The following DMD variants were observed in gnomAD, a reference collection of about 807,000 sequenced individuals.
DMD encodes dystrophin.
A neutral mutation model predicts 330.1 loss-of-function variants in DMD; 63 were observed. The ratio of observed to expected loss-of-function variants is 0.19; its 90% CI spans 0.16 to 0.24. DMD has a LOEUF of 0.24. Ranked by LOEUF, DMD falls within the 10% of genes least tolerant of loss-of-function variation. The pLI is 1.00. For missense variants in DMD, 3,344 were observed against 2,684.1 expected (o/e 1.25, Z -5.43); for synonymous variants, 1,223 against 959.8 (o/e 1.27, Z -5.07).
At chrX:33,211,221 G>A (rs1405508741) in intron 1 of DMD, 61 bp downstream of exon 1, 2 of 1,168,226 alleles carry the variant, frequency 1.7e-6, no homozygotes, top group African/African-American at 1.8e-5. Flanking sequence ...TAATTAGTGA[G>A]CTTGTCACAA....
chrX:31,142,626 C>T (rs950694049), intron 76 of DMD, among the ~76,000 whole-genome samples: 1 of 112,012 alleles, frequency 8.9e-6, no homozygotes, highest in African/African-American at 3.2e-5. Flanking sequence ...AGCAAAGGAA[C>T]AGTTTAATTT....
intron 57 of DMD, 121 bp downstream of exon 57, chrX:31,496,667 G>C (rs1236199507): frequency 1.8e-5 from 15 of 826,728 alleles, no homozygotes; most frequent in Non-Finnish European, 2.6e-5. Flanking sequence ...ATTGACCCTT[G>C]GGTGAGAAGA....
At chrX:32,492,582 G>T (rs759147966) in intron 19 of DMD, among the ~76,000 whole-genome samples, 3 of 111,232 alleles carry the variant, frequency 2.7e-5, no homozygotes, top group Admixed American at 1.9e-4. Flanking sequence ...CATATATGAC[G>T]AACGCCAGTC....
intron 51 of DMD, among the ~76,000 whole-genome samples, chrX:31,739,785 T>G (rs932793710): frequency 1.4e-4 from 11 of 80,204 alleles, no homozygotes; most frequent in Admixed American, 2.9e-4. Context: ...ATTAAAAAAC[T>G]AAAAAATAAA....
intron 34 of DMD, among the ~76,000 whole-genome samples, chrX:32,372,176 A>G (rs2097881316): frequency 9.0e-6 from 1 of 111,455 alleles, no homozygotes; most frequent in African/African-American, 3.3e-5. Context: ...GTAAATCAGC[A>G]TTTTTCTCTT....
intron 44 of DMD, among the ~76,000 whole-genome samples, chrX:32,176,449 C>A (rs1490681932): frequency 8.9e-6 from 1 of 111,935 alleles, no homozygotes; most frequent in Non-Finnish European, 1.9e-5. Context: ...AATCTTCTAC[C>A]TTCAAGGTGC....
intron 1 of DMD, among the ~76,000 whole-genome samples, chrX:33,220,611 C>G (rs1364279762): frequency 8.9e-6 from 1 of 111,920 alleles, no homozygotes; most frequent in Non-Finnish European, 1.9e-5. Flanking sequence ...CAAGCTCCAT[C>G]AAAACAGTTG....
At chrX:32,650,555 C>A (rs185311894) in intron 9 of DMD, among the ~76,000 whole-genome samples, 145 of 111,961 alleles carry the variant, frequency 1.3e-3, no homozygotes, top group Non-Finnish European at 2.0e-3. Context: ...ATTCTTGACA[C>A]ATTTCCGCTG....
chrX:31,633,035 T>C (rs1260442257), intron 54 of DMD, among the ~76,000 whole-genome samples: 4 of 111,608 alleles, frequency 3.6e-5, no homozygotes, highest in Non-Finnish European at 7.5e-5. Context: ...GAAATATGAC[T>C]GGAGAAGGGT....
rs1603634202 is a variant in DMD, at chrX:32,468,541, C to A, written c.3119G>T (p.Cys1040Phe). 8.3e-7 allele frequency: 1 copy of A among 1,208,026 alleles called. No homozygotes were observed. The highest frequency in any genetic ancestry group is 2.2e-5 in the Admixed American group (1 of 45,445). The change falls in exon 23 of 79, where the codon TGT becomes TTT. Residue 1040 changes from cysteine to phenylalanine, a missense_variant. Cys to Phe is a radical substitution (Grantham distance 205). Transcript: ENST00000357033. ...KKLSSQLVEHCQKLEEQMNKL... is the reference protein window; with the variant it reads ...KKLSSQLVEHFQKLEEQMNKL... The stretch of plus-strand genomic sequence containing the variant: ...ATTCATTTGCTCCTCTAGCTTTTGA[C>A]AATGCTCAACCAGCTGGGAGGAGAG...
At chrX:32,059,069 G>A (rs1459382818) in intron 44 of DMD, among the ~76,000 whole-genome samples, 1 of 111,013 alleles carries the variant, frequency 9.0e-6, no homozygotes, top group Non-Finnish European at 1.9e-5. Context: ...AAGTACAATG[G>A]TGGTTGCTAA....
chrX:32,824,524 T>A (rs1264719321), intron 4 of DMD, among the ~76,000 whole-genome samples: 2 of 111,924 alleles, frequency 1.8e-5, no homozygotes, highest in Non-Finnish European at 3.8e-5. Context: ...TATGAATCCG[T>A]ATCTATGAGA....
chrX:32,651,091 T>C (rs188192869), intron 9 of DMD, among the ~76,000 whole-genome samples: 19 of 111,140 alleles, frequency 1.7e-4, no homozygotes, highest in Admixed American at 1.4e-3. Flanking sequence ...ATGAAGAAAA[T>C]GAATTAAGAG....
At chrX:32,883,913 T>C (rs1001499859) in intron 2 of DMD, among the ~76,000 whole-genome samples, 1 of 108,393 alleles carries the variant, frequency 9.2e-6, no homozygotes, top group African/African-American at 3.4e-5. Context: ...TTTCATGATA[T>C]TCTTAATATT....
At chrX:31,386,527 C>A (rs773363858) in intron 60 of DMD, among the ~76,000 whole-genome samples, 2 of 111,881 alleles carry the variant, frequency 1.8e-5, no homozygotes, top group Non-Finnish European at 3.8e-5. Flanking sequence ...ACTTTTAATG[C>A]CTTACCTCAT....
intron 2 of DMD, among the ~76,000 whole-genome samples, chrX:32,988,438 C>T (rs1445705485): frequency 9.0e-6 from 1 of 111,685 alleles, no homozygotes. Context: ...GAAAAACGAC[C>T]GTGTATGACA....
intron 7 of DMD, among the ~76,000 whole-genome samples, chrX:32,702,467 G>C (rs1305458652): frequency 9.0e-6 from 1 of 111,451 alleles, no homozygotes; most frequent in Non-Finnish European, 1.9e-5. Context: ...GTGTCTTAGA[G>C]AGAGTAGAGT....
intron 63 of DMD, among the ~76,000 whole-genome samples, chrX:31,249,004 A>C (rs1471390834): frequency 4.5e-5 from 5 of 111,708 alleles, no homozygotes. Flanking sequence ...GCTTCTCAGC[A>C]CTTCCATTCT....
intron 43 of DMD, among the ~76,000 whole-genome samples, chrX:32,277,286 T>C (rs2097394124): frequency 9.0e-6 from 1 of 111,348 alleles, no homozygotes; most frequent in South Asian, 3.8e-4. Flanking sequence ...ATAAAGCAAA[T>C]ATATATACAA....
Sources: gnomAD v4.1 joint callset for allele counts (sites outside exome capture counted in the v4.1 genomes callset) on GRCh38, gnomAD v4.1.1 for gene constraint, MANE v1.5 for transcripts, NCBI Gene and HGNC (gene_info 2026-07-23, HGNC 2026-07-21) for gene names.